PANK3: variants seen among roughly 807,000 people sequenced by gnomAD.
PANK3 encodes pantothenate kinase 3, also known as hPanK3.
A neutral mutation model predicts 39.4 loss-of-function variants in PANK3; 20 were observed. The observed-to-expected ratio is 0.51, with a 90% CI of 0.36 to 0.74. The LOEUF is 0.74. PANK3 is among the 30% of genes least tolerant of loss of function. The pLI is 0.00. For missense variants in PANK3, 265 were observed against 437.0 expected, an observed-to-expected ratio of 0.61 and a Z score of 3.51; for synonymous variants, 140 against 157.3, an observed-to-expected ratio of 0.89 and a Z score of 0.82.
chr5:168,557,575 C>G lies in PANK3; in HGVS notation c.1109G>C (p.Ser370Thr). Residue 370 changes from serine (S) to threonine (T), a missense_variant, in exon 7 of 7, where the codon AGC becomes ACC. By Grantham distance (58) the Ser-to-Thr change is moderately conservative (BLOSUM62 1). Around this residue, in one of 3 missense-constraint regions of PANK3, gnomAD observed 110 missense variants for 161.2 expected, o/e 0.68. Transcript: ENST00000239231. ...CAGAGAGAGAGACCTGATGCTTTAG[C>G]TGAAATTTGGCAGCCCAAGAAGTGC... Reference protein sequence around the residue: ...VGALLGLPNFS With the variant: ...VGALLGLPNFT 6.2e-7 allele frequency: 1 copy of G among 1,613,618 alleles called. No homozygotes were observed.
At position 168,559,176 on chromosome 5, in the gene PANK3, G is replaced by C; in HGVS notation, c.937-19C>G. 3 of 1,414,730 alleles carry C rather than the reference G, an allele frequency of 2.1e-6. No homozygotes were observed. The highest frequency in any genetic ancestry group is 2.9e-6 in the Non-Finnish European group (3 of 1,042,148). 87.6% of individuals were successfully genotyped at this position (1,414,730 alleles called of 1,614,324 possible). A position where few individuals can be genotyped will look rare whatever the true frequency, so the allele number is the denominator to read the frequency against. ...TTATTTTCTAAAAGAAAAGAACAAA[G>C]AAAAAACTTGTAAAAATAATAGATT... On this transcript the variant is annotated intron_variant, in intron 5 of 6. Transcript: ENST00000239231.
Position 168,555,168 on chromosome 5 carries a change from C to T in PANK3, c.*2403G>A, listed in dbSNP as rs996545843. 3.2e-4 allele frequency: 48 copies of T among 152,188 alleles called. 1 individual carries two copies. The highest frequency in any genetic ancestry group is 4.8e-5 in the African/African-American group (2 of 41,450). 9.4% of individuals were successfully genotyped at this position (152,188 alleles called of 1,614,324 possible). On this transcript the variant is annotated 3_prime_UTR_variant, in exon 7 of 7. Coordinates refer to ENST00000239231, the MANE Select transcript of PANK3 (RefSeq NM_024594.4). ...TCAAAGCTCTATGTTCTTAACGGTG[C>T]TGTCTTAATAGAAATAAAATGTAAA...
At chr5:168,578,961 G>A (rs1258097424) in intron 1 of PANK3, among the ~76,000 whole-genome samples, 3 of 152,200 alleles carry the variant, frequency 2.0e-5, no homozygotes, top group Non-Finnish European at 4.4e-5. Flanking sequence ...GCTGGGAGAG[G>A]AGACTAGTCT....
At chr5:168,558,365 G>A (rs1021369078) in intron 6 of PANK3, among the ~76,000 whole-genome samples, 2 of 151,758 alleles carry the variant, frequency 1.3e-5, no homozygotes, top group Non-Finnish European at 2.9e-5. Flanking sequence ...GGGTTTCACC[G>A]TTGTTAGCCA....
Position 168,564,080 on chromosome 5 carries a change from G to A in PANK3, c.636-15C>T, listed in dbSNP as rs923302396. 5.7e-6 allele frequency: 9 copies of A among 1,571,926 alleles called. No homozygotes were observed. The highest frequency in any genetic ancestry group is 7.7e-6 in the Non-Finnish European group (9 of 1,164,446). ...CCCCTCCAAGGCTAAAGAAAATAAA[G>A]AAACTTGCTAAGTTGCATTTATACA... On this transcript the variant is annotated splice_polypyrimidine_tract_variant and intron_variant, in intron 3 of 6. Transcript: ENST00000239231.
chr5:168,571,960 A>C (rs1759638009), intron 1 of PANK3, among the ~76,000 whole-genome samples: 1 of 152,208 alleles, frequency 6.6e-6, no homozygotes, highest in Non-Finnish European at 1.5e-5. Context: ...AAATGACATT[A>C]GACCATAATT....
At chr5:168,561,321 C>T (rs1246138857) in intron 5 of PANK3, 72 bp downstream of exon 5, 1 of 1,347,330 alleles carries the variant, frequency 7.4e-7, no homozygotes, top group Non-Finnish European at 9.9e-7. Flanking sequence ...AGTGAAGAAG[C>T]CCTGCTAGGT....
intron 3 of PANK3, 130 bp downstream of exon 3, chr5:168,565,883 A>AT (rs1251197119): frequency 3.5e-5 from 8 of 228,174 alleles, no homozygotes; most frequent in African/African-American, 1.5e-4. Flanking sequence ...ATATATATAT[A>AT]TATTTTTTTT....
chr5:168,566,641 A>G (rs1030282655), intron 2 of PANK3, among the ~76,000 whole-genome samples: 2 of 152,204 alleles, frequency 1.3e-5, no homozygotes, highest in Non-Finnish European at 2.9e-5. Context: ...AAAATTATTT[A>G]TAATTATCTG....
rs1759791663 is a variant in PANK3 at position 168,579,338 on chromosome 5, G to A, written c.-55C>T. 2.9e-6 allele frequency: 4 copies of A among 1,399,714 alleles called. No individual in the cohort carries two copies. Among genetic ancestry groups the A allele is most frequent in the East Asian group, 5.6e-5 (2 of 35,988 alleles). 86.7% of individuals were successfully genotyped at this position (1,399,714 alleles called of 1,614,324 possible). The stretch of plus-strand genomic sequence containing the variant: ...TCCGATCCGGGGCACTGAGAGCAGA[G>A]GCGGCGACTCCGGAGGTGGCTGGGC... On this transcript the variant is annotated 5_prime_UTR_variant, in exon 1 of 7. Transcript: ENST00000239231.
intron 3 of PANK3, among the ~76,000 whole-genome samples, chr5:168,565,746 G>A (rs1420514113): frequency 6.6e-6 from 1 of 150,684 alleles, no homozygotes; most frequent in African/African-American, 2.4e-5. Context: ...CTGTTGGCTG[G>A]GAGCAGTGGC....
In PANK3 at chr5:168,549,964, C is replaced by T. The variant is rs1399905501; in HGVS notation, c.*7607G>A. On this transcript the variant is annotated 3_prime_UTR_variant, in exon 7 of 7. Transcript: ENST00000239231. ...ATGGTTCTTCCCACATCTATCCCCACTCACAATGATCAGAAATAAGAAACA... is the reference window on the plus strand; with the variant it reads ...ATGGTTCTTCCCACATCTATCCCCATTCACAATGATCAGAAATAAGAAACA... The T allele has an allele frequency of 1.3e-5, 2 of 152,076 alleles. No homozygotes were observed. Among genetic ancestry groups the T allele is most frequent in the African/African-American group, 4.8e-5 (2 of 41,386 alleles). The allele number at this position is 152,076 out of a possible 1,614,324, so 9.4% of individuals were successfully genotyped here.
At chr5:168,559,221 TA>T in intron 5 of PANK3, 64 bp from the exon 6 acceptor site, 2 of 1,085,242 alleles carry the variant, frequency 1.8e-6, no homozygotes, top group Non-Finnish European at 2.5e-6. Context: ...AAAAGGTTTC[TA>T]AATATTTATT....
In PANK3 at chr5:168,555,822, ATTTC is replaced by A. The variant is rs1234692838; in HGVS notation, c.*1745_*1748del. 1 of 152,250 alleles carries A rather than the reference ATTTC, an allele frequency of 6.6e-6. No individual in the cohort carries two copies. Among genetic ancestry groups the A allele is most frequent in the Non-Finnish European group, 1.5e-5 (1 of 68,040 alleles). The allele number at this position is 152,250 out of a possible 1,614,324, so 9.4% of individuals were successfully genotyped here. ...AGTTTATTTTATACAAACAAACTGT[ATTTC>A]TTATTATTCCTGAAATATCTCATAT... On this transcript the variant is annotated 3_prime_UTR_variant, in exon 7 of 7. Transcript: ENST00000239231.
chr5:168,566,312 A>T lies in PANK3; in HGVS notation c.382-46T>A, dbSNP rs148135410. ...AAACAAAAAAGGATGACATTCAAAA[A>T]CACTCAACTATATGATTTTCCTGTA... On this transcript the variant is annotated intron_variant, in intron 2 of 6. Coordinates refer to ENST00000239231, the MANE Select transcript of PANK3 (RefSeq NM_024594.4). 3.9e-6 allele frequency: 6 copies of T among 1,536,866 alleles called. No individual in the cohort carries two copies. The Admixed American group carries it at 9.5e-5, about 24-fold the overall frequency.
intron 1 of PANK3, among the ~76,000 whole-genome samples, chr5:168,576,046 TAATC>T (rs1759726311): frequency 6.6e-6 from 1 of 152,098 alleles, no homozygotes; most frequent in South Asian, 2.1e-4. Flanking sequence ...CTTAAGAAAA[TAATC>T]ATCTTCAGAC....
rs548930692 is a variant in PANK3 at position 168,550,471 on chromosome 5, C to T, written c.*7100G>A. On this transcript the variant is annotated 3_prime_UTR_variant, in exon 7 of 7. Transcript: ENST00000239231. ...AATGCCCATATAATTCTGAAGTTAA[C>T]ACAGTAAAAATTCCAGATAACCTTT... 6.6e-6 allele frequency: 1 copy of T among 152,190 alleles called. No individual in the cohort carries two copies. The highest frequency in any genetic ancestry group is 2.1e-4 in the South Asian group (1 of 4,812). The allele number at this position is 152,190 out of a possible 1,614,324, so 9.4% of individuals were successfully genotyped here.
chr5:168,552,565 G>T lies in PANK3; in HGVS notation c.*5006C>A. 1 of 203,434 alleles carries T rather than the reference G, an allele frequency of 4.9e-6. No homozygotes were observed. The highest frequency in any genetic ancestry group is 1.1e-5 in the Non-Finnish European group (1 of 88,220). 12.6% of individuals were successfully genotyped at this position (203,434 alleles called of 1,614,324 possible). A position where few individuals can be genotyped will look rare whatever the true frequency, so the allele number is the denominator to read the frequency against. On this transcript the variant is annotated 3_prime_UTR_variant, in exon 7 of 7. Coordinates refer to ENST00000239231, the MANE Select transcript of PANK3 (RefSeq NM_024594.4). ...AGCCACTGCTATTGCAAACTGAAGAGTGTGGCCACAGTATTCCAGGGAACG... is the reference window on the plus strand; with the variant it reads ...AGCCACTGCTATTGCAAACTGAAGATTGTGGCCACAGTATTCCAGGGAACG...
In PANK3 at chr5:168,554,375, A is replaced by C. The variant is rs1245146313; in HGVS notation, c.*3196T>G. 6.6e-6 allele frequency: 1 copy of C among 152,220 alleles called. No individual in the cohort carries two copies. Among genetic ancestry groups the C allele is most frequent in the East Asian group, 1.9e-4 (1 of 5,200 alleles). 9.4% of individuals were successfully genotyped at this position (152,220 alleles called of 1,614,324 possible). On this transcript the variant is annotated 3_prime_UTR_variant, in exon 7 of 7. Transcript: ENST00000239231. ...TTGTTTACAGACCGCAGGTTTACTT[A>C]ATAGTTTTCAGTAGACTATCAAGAG...
Sources: allele counts gnomAD v4.1 joint callset (sites outside exome capture counted in the v4.1 genomes callset), GRCh38; gene constraint gnomAD v4.1.1; regional missense constraint gnomAD v4.1.1; transcripts MANE v1.5; gene names NCBI Gene and HGNC (gene_info 2026-07-23, HGNC 2026-07-21).